Variants in NRG1 observed in about 807,000 individuals in gnomAD.
The protein encoded by NRG1 is neuregulin 1.
NRG1 carries 18 observed loss-of-function variants against 63.8 expected under a neutral mutation model. That is an observed-to-expected ratio of 0.28 (90% CI 0.19 to 0.42). The LOEUF (loss-of-function observed/expected upper bound fraction) is 0.42. NRG1 is among the 10% of genes least tolerant of loss of function. The pLI is 1.00. For missense variants in NRG1, 762 were observed against 814.7 expected, an observed-to-expected ratio of 0.94 and a Z score of 0.79; for synonymous variants, 302 against 301.3, an observed-to-expected ratio of 1.00 and a Z score of -0.02.
At chr8:31,641,798 TAATTG>T (rs1803818234) in intron 1 of NRG1, 1 of 152,170 alleles carries the variant, frequency 6.6e-6, no homozygotes, top group African/African-American at 2.4e-5. Context: ...ACGTTTGGGT[TAATTG>T]AATTTTTATA....
At chr8:31,702,831 T>G (rs1207304008) in intron 1 of NRG1, among the ~76,000 whole-genome samples, 1 of 152,074 alleles carries the variant, frequency 6.6e-6, no homozygotes, top group African/African-American at 2.4e-5. Context: ...TTCTGAAAGT[T>G]TTGATGATTT....
chr8:31,787,171 A>C (rs1820254799), intron 1 of NRG1, among the ~76,000 whole-genome samples: 2 of 152,338 alleles, frequency 1.3e-5, no homozygotes, highest in African/African-American at 4.8e-5. Flanking sequence ...CTTCTATTTC[A>C]GTAGTAAGAA....
At chr8:32,099,439 G>C (rs140860892) in intron 1 of NRG1, 1 of 152,458 alleles carries the variant, frequency 6.6e-6, no homozygotes, top group East Asian at 1.9e-4. Flanking sequence ...AAAGTATATG[G>C]TGACCATCTA....
intron 2 of NRG1, among the ~76,000 whole-genome samples, chr8:32,600,823 A>T (rs548553770): frequency 6.6e-6 from 1 of 152,264 alleles, no homozygotes; most frequent in East Asian, 1.9e-4. Flanking sequence ...ATAAAAATCC[A>T]TTGAAACACC....
At chr8:32,748,400 A>C in intron 7 of NRG1, among the ~76,000 whole-genome samples, 2 of 100,156 alleles carry the variant, frequency 2.0e-5, no homozygotes, top group Non-Finnish European at 2.4e-5. Context: ...GAGAGAGATA[A>C]AGGAAGTCCT....
chr8:32,236,129 A>ATG (rs751770950), intron 1 of NRG1, among the ~76,000 whole-genome samples: 133 of 147,628 alleles, frequency 9.0e-4, no homozygotes, highest in East Asian at 5.6e-3. Context: ...TTGTGTGTGT[A>ATG]TGTGTGTGTG....
In NRG1 at chr8:32,047,276, C is replaced by G. The variant is rs955868486; in HGVS notation, c.37+407845C>G. Among the ~76,000 whole-genome samples, 8 of 152,040 alleles carry G rather than the reference C, an allele frequency of 5.3e-5. No homozygotes were observed. The East Asian group carries it at 1.2e-3, about 22-fold the overall frequency. On this transcript the variant is annotated intron_variant, in intron 1 of 10. Transcript: ENST00000519301. The stretch of plus-strand genomic sequence containing the variant: ...AGACTTGAAAAGGGATCAATGTTCT[C>G]ATCTGTGAGGTTTTAAGACTTTTGT...
chr8:32,657,653 A>G (rs572196402), intron 5 of NRG1, among the ~76,000 whole-genome samples: 1 of 152,242 alleles, frequency 6.6e-6, no homozygotes, highest in Non-Finnish European at 1.5e-5. Flanking sequence ...CATAAATGGA[A>G]TGATCTAAGG....
intron 1 of NRG1, among the ~76,000 whole-genome samples, chr8:32,194,839 C>T (rs1216683165): frequency 3.3e-5 from 5 of 151,672 alleles, no homozygotes; most frequent in African/African-American, 7.3e-5. Context: ...AATACCCAAC[C>T]GATGACTACT....
chr8:32,338,871 A>G (rs1333512013), intron 1 of NRG1, among the ~76,000 whole-genome samples: 1 of 152,090 alleles, frequency 6.6e-6, no homozygotes, highest in African/African-American at 2.4e-5. Context: ...AGCATCTCAC[A>G]TCAGTTGTTA....
chr8:32,672,744 C>T (rs1806017386), intron 5 of NRG1, among the ~76,000 whole-genome samples: 1 of 147,552 alleles, frequency 6.8e-6, no homozygotes, highest in Non-Finnish European at 1.5e-5. Flanking sequence ...CACTGTTCTT[C>T]TGTTATCCTC....
At chr8:32,008,284 C>A (rs1255314249) in intron 1 of NRG1, among the ~76,000 whole-genome samples, 1 of 151,950 alleles carries the variant, frequency 6.6e-6, no homozygotes, top group African/African-American at 2.4e-5. Flanking sequence ...GACTTTCCCC[C>A]ACTGAATCTG....
intron 1 of NRG1, among the ~76,000 whole-genome samples, chr8:32,078,266 T>A (rs887019882): frequency 3.9e-5 from 6 of 151,954 alleles, no homozygotes; most frequent in African/African-American, 1.5e-4. Flanking sequence ...TTTAAAAGAG[T>A]CTGGTGATTC....
intron 1 of NRG1, among the ~76,000 whole-genome samples, chr8:32,553,108 C>T (rs1434317277): frequency 6.6e-6 from 1 of 152,174 alleles, no homozygotes; most frequent in Admixed American, 6.5e-5. Context: ...CCTAATTAGG[C>T]TGTTCCTTAA....
At chr8:31,796,112 T>C (rs1320798690) in intron 1 of NRG1, among the ~76,000 whole-genome samples, 1 of 152,218 alleles carries the variant, frequency 6.6e-6, no homozygotes, top group Non-Finnish European at 1.5e-5. Context: ...GTAATCTAGA[T>C]GGAGCATACA....
intron 1 of NRG1, among the ~76,000 whole-genome samples, chr8:32,202,242 T>C (rs1025464285): frequency 1.3e-5 from 2 of 152,208 alleles, no homozygotes; most frequent in Non-Finnish European, 2.9e-5. Context: ...CAAGGTACTT[T>C]AAAATGTTTT....
intron 1 of NRG1, among the ~76,000 whole-genome samples, chr8:32,033,604 T>C (rs1402369480): frequency 6.6e-6 from 1 of 152,236 alleles, no homozygotes; most frequent in Admixed American, 6.5e-5. Context: ...TCCATTTGTT[T>C]GTGTCCTCTC....
intron 1 of NRG1, among the ~76,000 whole-genome samples, chr8:32,076,372 GT>G (rs1826550159): frequency 6.6e-6 from 1 of 152,254 alleles, no homozygotes; most frequent in Non-Finnish European, 1.5e-5. Flanking sequence ...ACTAAAAAGT[GT>G]TTAATACTCC....
At chr8:31,704,921 T>C (rs1001527996) in intron 1 of NRG1, among the ~76,000 whole-genome samples, 1 of 151,924 alleles carries the variant, frequency 6.6e-6, no homozygotes, top group Non-Finnish European at 1.5e-5. Context: ...CAAAAGTAGA[T>C]ACATACATAT....
Sources: allele counts gnomAD v4.1 joint callset (sites outside exome capture counted in the v4.1 genomes callset), GRCh38; gene constraint gnomAD v4.1.1; transcripts MANE v1.5; gene names NCBI Gene and HGNC (gene_info 2026-07-23, HGNC 2026-07-21).